Variants in CHCHD6 observed in about 807,000 individuals in gnomAD.
CHCHD6 encodes the protein MICOS complex subunit MIC25.
Under a neutral mutation model 32.3 loss-of-function variants are expected in CHCHD6, and 28 were observed. That is an observed-to-expected ratio of 0.87 (90% CI 0.64 to 1.19). The LOEUF (loss-of-function observed/expected upper bound fraction) is 1.19. CHCHD6 is among the 50% of genes most tolerant of loss of function. The pLI is 0.00. For missense variants in CHCHD6, 333 were observed against 307.0 expected (o/e 1.08, Z -0.63); for synonymous variants, 122 against 117.5 (o/e 1.04, Z -0.25).
At chr3:126,779,006 A>G (rs1364912258) in intron 4 of CHCHD6, among the ~76,000 whole-genome samples, 1 of 151,516 alleles carries the variant, frequency 6.6e-6, no homozygotes, top group Admixed American at 6.6e-5. Flanking sequence ...GGCTCAGGCA[A>G]TGCCTCCCAA....
At chr3:126,812,652 G>A (rs1404822518) in intron 4 of CHCHD6, among the ~76,000 whole-genome samples, 5 of 151,400 alleles carry the variant, frequency 3.3e-5, no homozygotes, top group African/African-American at 7.3e-5. Context: ...GGCTGGTCTC[G>A]AACTCCTGAC....
At chr3:126,889,983 C>T (rs1265398664) in intron 5 of CHCHD6, among the ~76,000 whole-genome samples, 2 of 120,214 alleles carry the variant, frequency 1.7e-5, no homozygotes, top group African/African-American at 4.1e-5. Flanking sequence ...ACAGCGTTGA[C>T]GGGCTTTGTC....
chr3:126,722,296 T>C (rs1024253018), intron 1 of CHCHD6, among the ~76,000 whole-genome samples: 1 of 152,150 alleles, frequency 6.6e-6, no homozygotes, highest in African/African-American at 2.4e-5. Context: ...GCTAGGACTG[T>C]AGGCATGTGG....
Position 126,956,503 on chromosome 3 carries a change from C to G in CHCHD6, c.567-913C>G, listed in dbSNP as rs985684424. On this transcript the variant is annotated intron_variant, in intron 6 of 7. Transcript: ENST00000290913. Reference sequence around the variant, plus strand: ...TGAACGATAGTGTCTGCTACCAGAGCTGTAAGGAGCAGCACTGAGCACGCC... The same window carrying G: ...TGAACGATAGTGTCTGCTACCAGAGGTGTAAGGAGCAGCACTGAGCACGCC... Among the ~76,000 whole-genome samples, 44 of 152,314 alleles carry G rather than the reference C, an allele frequency of 2.9e-4. No individual in the cohort carries two copies. In the East Asian group the frequency reaches 4.4e-3, roughly 15 times the overall value.
chr3:126,710,754 T>C (rs763388990), intron 1 of CHCHD6, among the ~76,000 whole-genome samples: 3 of 152,196 alleles, frequency 2.0e-5, no homozygotes, highest in Non-Finnish European at 4.4e-5. Flanking sequence ...TATAGAAATA[T>C]AGTTGGTTTC....
At chr3:126,711,716 GTC>G (rs1490517883) in intron 1 of CHCHD6, among the ~76,000 whole-genome samples, 1 of 152,208 alleles carries the variant, frequency 6.6e-6, no homozygotes, top group Non-Finnish European at 1.5e-5. Flanking sequence ...GTTATAGATC[GTC>G]TCTGGTCTTC....
At chr3:126,931,530 G>A (rs750649049) in intron 6 of CHCHD6, among the ~76,000 whole-genome samples, 4 of 152,152 alleles carry the variant, frequency 2.6e-5, no homozygotes, top group South Asian at 2.1e-4. Flanking sequence ...CGACTGACAC[G>A]GAGCCCAGGG....
At chr3:126,848,919 A>G (rs1472436794) in intron 4 of CHCHD6, among the ~76,000 whole-genome samples, 3 of 152,204 alleles carry the variant, frequency 2.0e-5, no homozygotes, top group African/African-American at 4.8e-5. Flanking sequence ...TTATAGGTTC[A>G]TTTGGAGTGG....
intron 6 of CHCHD6, among the ~76,000 whole-genome samples, chr3:126,921,712 G>T (rs759328988): frequency 6.6e-6 from 1 of 152,220 alleles, no homozygotes; most frequent in Non-Finnish European, 1.5e-5. Flanking sequence ...GATTAATGTG[G>T]ATGTGGCAGC....
In CHCHD6 at chr3:126,851,118, C is replaced by T. The variant is rs567871671; in HGVS notation, c.412-1529C>T. Among the ~76,000 whole-genome samples, 7 of 152,332 alleles carry T rather than the reference C, an allele frequency of 4.6e-5. No homozygotes were observed. In the East Asian group the frequency reaches 1.2e-3, roughly 25 times the overall value. On this transcript the variant is annotated intron_variant, in intron 4 of 7. Coordinates refer to ENST00000290913, the MANE Select transcript of CHCHD6 (RefSeq NM_032343.3). ...ATAGAGCCGATGTTAGAACTTAACT[C>T]TCAGGGGTTCAGCCAGCCACCCAAG... is the stretch of plus-strand genomic sequence containing the variant.
At chr3:126,819,602 C>T (rs941598977) in intron 4 of CHCHD6, among the ~76,000 whole-genome samples, 1 of 152,224 alleles carries the variant, frequency 6.6e-6, no homozygotes, top group Non-Finnish European at 1.5e-5. Context: ...TCACAGCCCT[C>T]CAGAAAACTG....
At chr3:126,721,451 A>G (rs926024531) in intron 1 of CHCHD6, among the ~76,000 whole-genome samples, 1 of 152,138 alleles carries the variant, frequency 6.6e-6, no homozygotes. Context: ...CGCCTGCCTT[A>G]GGGAACCCAT....
chr3:126,739,175 G>A (rs145558874), intron 4 of CHCHD6, among the ~76,000 whole-genome samples: 2 of 152,332 alleles, frequency 1.3e-5, no homozygotes, highest in Non-Finnish European at 2.9e-5. Flanking sequence ...AAAAAATCAT[G>A]ACATCCATAG....
At chr3:126,807,760 C>T (rs374906063) in intron 4 of CHCHD6, among the ~76,000 whole-genome samples, 62 of 152,110 alleles carry the variant, frequency 4.1e-4, no homozygotes, top group African/African-American at 1.4e-3. Flanking sequence ...TTGAAGTTTC[C>T]AGAGGGATGT....
intron 5 of CHCHD6, 76 bp downstream of exon 5, chr3:126,852,806 G>T (rs1576496214): frequency 1.4e-5 from 14 of 1,009,022 alleles, no homozygotes; most frequent in African/African-American, 1.1e-4. Context: ...ACTGTCATGG[G>T]GGGAGAGAGG....
chr3:126,956,271 G>C (rs997299739), intron 6 of CHCHD6, among the ~76,000 whole-genome samples: 1 of 152,178 alleles, frequency 6.6e-6, no homozygotes, highest in Non-Finnish European at 1.5e-5. Context: ...GCCGTGAGTG[G>C]TGTTCAATTT....
intron 6 of CHCHD6, chr3:126,953,257 T>G (rs1480291809): frequency 2.3e-6 from 1 of 437,752 alleles, no homozygotes; most frequent in Admixed American, 6.4e-5. Flanking sequence ...TGCCAGCTCC[T>G]TGTTGAAGAG....
At chr3:126,859,354 A>G (rs1288397904) in intron 5 of CHCHD6, among the ~76,000 whole-genome samples, 1 of 152,206 alleles carries the variant, frequency 6.6e-6, no homozygotes, top group East Asian at 1.9e-4. Context: ...GGGAGGCCAC[A>G]GGTGGTACAG....
At chr3:126,825,723 A>G (rs1940360433) in intron 4 of CHCHD6, among the ~76,000 whole-genome samples, 1 of 152,042 alleles carries the variant, frequency 6.6e-6, no homozygotes, top group South Asian at 2.1e-4. Context: ...ACTTTCTTTT[A>G]GTGTTTGCAT....
Sources: gnomAD v4.1 joint callset for allele counts (sites outside exome capture counted in the v4.1 genomes callset) on GRCh38, gnomAD v4.1.1 for gene constraint, MANE v1.5 for transcripts, NCBI Gene and HGNC (gene_info 2026-07-23, HGNC 2026-07-21) for gene names.